HIBCH: variants seen among roughly 807,000 people sequenced by gnomAD.
The protein encoded by HIBCH is 3-hydroxyisobutyryl-CoA hydrolase, also known as 3-hydroxyisobutyryl-CoA hydrolase, mitochondrial.
A neutral mutation model predicts 58.2 loss-of-function variants in HIBCH; 50 were observed. The observed-to-expected ratio is 0.86, with a 90% CI of 0.68 to 1.09. HIBCH has a LOEUF of 1.09. HIBCH is among the 50% of genes least tolerant of loss of function. The pLI, the probability that HIBCH is intolerant of heterozygous loss-of-function variation, is 0.00. For missense variants in HIBCH, 450 were observed against 449.7 expected (o/e 1.00, Z -0.01); for synonymous variants, 151 against 146.9 (o/e 1.03, Z -0.20).
intron 1 of HIBCH, among the ~76,000 whole-genome samples, chr2:190,317,887 G>GCA (rs1688746563): frequency 2.0e-5 from 3 of 148,432 alleles, no homozygotes; most frequent in Non-Finnish European, 3.0e-5. Context: ...GCAGTGGCAT[G>GCA]ATCTCGGCTC....
intron 9 of HIBCH, among the ~76,000 whole-genome samples, chr2:190,247,944 G>A (rs1371790657): frequency 6.6e-6 from 1 of 152,168 alleles, no homozygotes; most frequent in African/African-American, 2.4e-5. Flanking sequence ...AAGTTTTTAT[G>A]AGCACTGGAA....
intron 11 of HIBCH, among the ~76,000 whole-genome samples, chr2:190,237,693 T>G (rs1333304679): frequency 6.6e-6 from 1 of 152,074 alleles, no homozygotes; most frequent in Admixed American, 6.5e-5. Flanking sequence ...TATATACGTG[T>G]GCAGAACGTG....
intron 9 of HIBCH, among the ~76,000 whole-genome samples, chr2:190,246,895 C>T (rs954849553): frequency 6.6e-6 from 1 of 152,064 alleles, no homozygotes; most frequent in East Asian, 1.9e-4. Context: ...GTTCTGCAGG[C>T]CCTTGATTGC....
At chr2:190,295,049 T>C (rs1688068493) in intron 3 of HIBCH, among the ~76,000 whole-genome samples, 2 of 152,262 alleles carry the variant, frequency 1.3e-5, no homozygotes, top group Non-Finnish European at 2.9e-5. Flanking sequence ...GATACAGGGC[T>C]CTCTTACTCT....
At chr2:190,267,239 C>T (rs1318931750) in intron 6 of HIBCH, among the ~76,000 whole-genome samples, 1 of 152,046 alleles carries the variant, frequency 6.6e-6, no homozygotes, top group Admixed American at 6.6e-5. Flanking sequence ...GACAGAATCT[C>T]TGTCACCTAG....
intron 13 of HIBCH, among the ~76,000 whole-genome samples, chr2:190,205,553 C>T (rs1275296855): frequency 6.6e-6 from 1 of 152,002 alleles, no homozygotes; most frequent in Non-Finnish European, 1.5e-5. Context: ...CCAGTGAAAC[C>T]TCCACATTAC....
At chr2:190,316,207 T>C (rs1273120595) in intron 1 of HIBCH, among the ~76,000 whole-genome samples, 1 of 152,136 alleles carries the variant, frequency 6.6e-6, no homozygotes, top group Non-Finnish European at 1.5e-5. Flanking sequence ...TGCAGTGGTA[T>C]GATACATGGG....
chr2:190,247,032 T>C (rs1271918175), intron 9 of HIBCH, among the ~76,000 whole-genome samples: 1 of 152,010 alleles, frequency 6.6e-6, no homozygotes, highest in Non-Finnish European at 1.5e-5. Flanking sequence ...TGTGCCATTG[T>C]AGGCTGTGTT....
chr2:190,313,256 T>C (rs1688607008), intron 1 of HIBCH, among the ~76,000 whole-genome samples: 1 of 152,058 alleles, frequency 6.6e-6, no homozygotes, highest in African/African-American at 2.4e-5. Context: ...TGTTATTGCT[T>C]CCTTAAACCT....
At chr2:190,257,079 C>T (rs886613507) in intron 7 of HIBCH, among the ~76,000 whole-genome samples, 1 of 151,956 alleles carries the variant, frequency 6.6e-6, no homozygotes, top group African/African-American at 2.4e-5. Context: ...AGTTATAAAC[C>T]TAAGTAGCTC....
At chr2:190,239,918 G>C (rs1019913796) in intron 11 of HIBCH, among the ~76,000 whole-genome samples, 6 of 152,102 alleles carry the variant, frequency 3.9e-5, no homozygotes, top group Non-Finnish European at 8.8e-5. Flanking sequence ...CCAAAGTGCT[G>C]GGATTACAGG....
chr2:190,275,072 A>AC (rs1324595869), intron 6 of HIBCH, among the ~76,000 whole-genome samples: 1 of 152,146 alleles, frequency 6.6e-6, no homozygotes, highest in African/African-American at 2.4e-5. Context: ...AAACCCTCTC[A>AC]CTAGTAGCAT....
At chr2:190,257,662 A>G (rs1166717110) in intron 7 of HIBCH, among the ~76,000 whole-genome samples, 7 of 152,144 alleles carry the variant, frequency 4.6e-5, no homozygotes, top group Admixed American at 4.6e-4. Context: ...GTAATTTAGA[A>G]AAAAAATTAT....
chr2:190,258,260 C>T (rs1468730321), intron 7 of HIBCH, among the ~76,000 whole-genome samples: 1 of 152,190 alleles, frequency 6.6e-6, no homozygotes, highest in Admixed American at 6.5e-5. Context: ...TTCTGGAGAC[C>T]TCCCCAATCA....
intron 2 of HIBCH, among the ~76,000 whole-genome samples, chr2:190,299,508 C>T (rs1688202080): frequency 1.3e-5 from 2 of 152,032 alleles, no homozygotes; most frequent in Admixed American, 6.6e-5. Context: ...GTCTGATACA[C>T]ACACACACAC....
chr2:190,288,202 T>C (rs1687879674), intron 5 of HIBCH, among the ~76,000 whole-genome samples: 1 of 145,954 alleles, frequency 6.9e-6, no homozygotes, highest in South Asian at 2.2e-4. Context: ...TGTCACATTA[T>C]GGTTGGGAAC....
chr2:190,308,845 C>T (rs974230784), intron 2 of HIBCH, among the ~76,000 whole-genome samples: 3 of 152,172 alleles, frequency 2.0e-5, no homozygotes, highest in African/African-American at 7.2e-5. Flanking sequence ...GCAATAGTTA[C>T]GTAGTGCCCA....
chr2:190,263,416 A>G (rs777535704), intron 6 of HIBCH, among the ~76,000 whole-genome samples: 2 of 151,950 alleles, frequency 1.3e-5, no homozygotes, highest in Non-Finnish European at 2.9e-5. Flanking sequence ...TTAAAATCTA[A>G]CTCATTAGTT....
At chr2:190,250,435 C>T (rs1287981534) in intron 8 of HIBCH, 2 of 463,908 alleles carry the variant, frequency 4.3e-6, no homozygotes, top group Non-Finnish European at 4.5e-6. Flanking sequence ...CACTTCTAAT[C>T]GCATCCCCAA....
Sources: gnomAD v4.1 joint callset for allele counts (sites outside exome capture counted in the v4.1 genomes callset) on GRCh38, gnomAD v4.1.1 for gene constraint, MANE v1.5 for transcripts, NCBI Gene and HGNC (gene_info 2026-07-23, HGNC 2026-07-21) for gene names.